ACYP2: variants seen among roughly 807,000 people sequenced by gnomAD.
The protein encoded by ACYP2 is acylphosphatase 2, also known as acylphosphatase-2.
Under a neutral mutation model 11.2 loss-of-function variants are expected in ACYP2, and 12 were observed. That is an observed-to-expected ratio of 1.08 (90% CI 0.69 to 1.74). The LOEUF is 1.74. Ranked by LOEUF, ACYP2 falls within the 40% of genes most tolerant of loss-of-function variation. ACYP2 has a pLI of 0.00. For synonymous variants in ACYP2, 43 were observed against 32.2 expected, an observed-to-expected ratio of 1.33 and a Z score of -1.13; for missense variants, 134 against 101.9, an observed-to-expected ratio of 1.31 and a Z score of -1.35.
chr2:54,136,095 C>T (rs1000858527), intron 5 of ACYP2, among the ~76,000 whole-genome samples: 8 of 152,164 alleles, frequency 5.3e-5, no homozygotes, highest in Non-Finnish European at 7.3e-5. Context: ...GATGGCATTT[C>T]ACCATGTTGG....
rs957178913 is a variant in ACYP2, at chr2:53,987,371, AAAGG to A, written c.62+13565_62+13568del. Among the ~76,000 whole-genome samples the A allele has an allele frequency of 3.9e-5, 6 of 152,314 alleles. No individual in the cohort carries two copies. The South Asian group carries it at 1.0e-3, about 26-fold the overall frequency. Reference sequence around the variant, plus strand: ...TGTATACAAAGTTAAAAAAAAAAAAAAAGGAAGCAGTTCCAGACTTCTTTACAAA... The same window carrying A: ...TGTATACAAAGTTAAAAAAAAAAAAAAAGCAGTTCCAGACTTCTTTACAAA... On this transcript the variant is annotated intron_variant, in intron 2 of 6. Transcript: ENST00000607452.
chr2:54,052,582 G>A (rs112573449), intron 3 of ACYP2, among the ~76,000 whole-genome samples: 21 of 152,116 alleles, frequency 1.4e-4, no homozygotes, highest in African/African-American at 2.9e-4. Context: ...AAAAAAAGTC[G>A]CAGCTGTTCT....
chr2:54,033,943 A>T (rs1674732129), intron 2 of ACYP2, among the ~76,000 whole-genome samples: 1 of 152,230 alleles, frequency 6.6e-6, no homozygotes. Context: ...GACATCCTGA[A>T]AGATAATGGG....
chr2:54,266,588 ATCTTTTTTT>A (rs1688033773), intron 6 of ACYP2, among the ~76,000 whole-genome samples: 1 of 91,140 alleles, frequency 1.1e-5, no homozygotes. Flanking sequence ...ATATCTATCT[ATCTTTTTTT>A]TTTTTTTTTT....
At chr2:54,040,949 A>C (rs1675189243) in intron 2 of ACYP2, among the ~76,000 whole-genome samples, 1 of 152,198 alleles carries the variant, frequency 6.6e-6, no homozygotes, top group Non-Finnish European at 1.5e-5. Flanking sequence ...GATAGGTGGA[A>C]AAGATCCAGG....
At chr2:54,221,280 T>A (rs73938020) in intron 6 of ACYP2, among the ~76,000 whole-genome samples, 10,283 of 152,244 alleles carry the variant, frequency 0.068, 1,127 homozygotes, top group African/African-American at 0.23. Flanking sequence ...TGTAAGTCAC[T>A]AAATTTGGGG....
intron 6 of ACYP2, among the ~76,000 whole-genome samples, chr2:54,263,850 G>A (rs843687): frequency 0.42 from 63,861 of 151,950 alleles, 13,589 homozygotes; most frequent in South Asian, 0.5. Context: ...AATACTGAGA[G>A]AAGATATTAC....
At chr2:54,210,924 C>T (rs1303823214) in intron 6 of ACYP2, among the ~76,000 whole-genome samples, 2 of 152,128 alleles carry the variant, frequency 1.3e-5, no homozygotes, top group Non-Finnish European at 2.9e-5. Context: ...ATACTTATGA[C>T]CATACTTATT....
chr2:54,249,940 CAAAAAAAAA>C lies in ACYP2; in HGVS notation c.405-54730_405-54722del, dbSNP rs1015312135. On this transcript the variant is annotated intron_variant, in intron 6 of 6. Transcript: ENST00000607452. Reference sequence around the variant, plus strand: ...TTGGCAACAGAGCAAGACCCTGTCTCAAAAAAAAAAAAAAAAAAAAAAAAAAGAAAACTC... The same window carrying C: ...TTGGCAACAGAGCAAGACCCTGTCTCAAAAAAAAAAAAAAAAAGAAAACTC... Among the ~76,000 whole-genome samples, 247 of 44,468 alleles carry C rather than the reference CAAAAAAAAA, an allele frequency of 5.6e-3. 3 individuals carry two copies. Among genetic ancestry groups the C allele is most frequent in the African/African-American group, 0.015 (232 of 15,624 alleles). The allele number at this position is 44,468 out of a possible 152,430, so 29.2% of individuals were successfully genotyped here.
chr2:54,271,876 T>C (rs1240238199), intron 6 of ACYP2, among the ~76,000 whole-genome samples: 1 of 152,048 alleles, frequency 6.6e-6, no homozygotes, highest in Non-Finnish European at 1.5e-5. Context: ...AATAAGCAAA[T>C]TTCTTAGGAT....
At chr2:54,180,274 T>G (rs1445782014) in intron 6 of ACYP2, among the ~76,000 whole-genome samples, 1 of 152,102 alleles carries the variant, frequency 6.6e-6, no homozygotes, top group East Asian at 1.9e-4. Context: ...TAATGGAGGC[T>G]TCATTCAGTA....
chr2:54,029,673 T>C (rs1233370191), intron 2 of ACYP2: 2 of 467,852 alleles, frequency 4.3e-6, no homozygotes, highest in Admixed American at 2.5e-5. Context: ...TGTAGAGTGC[T>C]TAAAGTGCTT....
chr2:54,214,261 A>T (rs1012669413), intron 6 of ACYP2, among the ~76,000 whole-genome samples: 2 of 152,000 alleles, frequency 1.3e-5, no homozygotes, highest in African/African-American at 4.8e-5. Context: ...CCTACTTGTC[A>T]ATTTTTGTTT....
chr2:54,030,867 C>G (rs1252149973), intron 2 of ACYP2, among the ~76,000 whole-genome samples: 3 of 152,088 alleles, frequency 2.0e-5, no homozygotes, highest in Admixed American at 1.3e-4. Context: ...GAAATATAAA[C>G]AAGTTCACCC....
intron 5 of ACYP2, among the ~76,000 whole-genome samples, chr2:54,137,460 T>C (rs1354634663): frequency 6.6e-6 from 1 of 152,128 alleles, no homozygotes; most frequent in Non-Finnish European, 1.5e-5. Context: ...TAGGCCCCAG[T>C]GTCTGTTGTT....
chr2:54,177,822 GC>G (rs1419881218), intron 6 of ACYP2, among the ~76,000 whole-genome samples: 1 of 149,322 alleles, frequency 6.7e-6, no homozygotes, highest in African/African-American at 2.5e-5. Context: ...CAGATGATTC[GC>G]CCCCACTCGG....
chr2:54,275,665 C>G (rs1688526107), intron 6 of ACYP2, among the ~76,000 whole-genome samples: 1 of 152,150 alleles, frequency 6.6e-6, no homozygotes, highest in South Asian at 2.1e-4. Flanking sequence ...AGCTTTGTGT[C>G]TAACAATTTC....
intron 2 of ACYP2, among the ~76,000 whole-genome samples, chr2:54,016,764 C>A (rs993910080): frequency 1.4e-5 from 2 of 142,920 alleles, no homozygotes; most frequent in Non-Finnish European, 3.0e-5. Flanking sequence ...CTTGCTGTGT[C>A]GCTCAGGCTG....
intron 2 of ACYP2, among the ~76,000 whole-genome samples, chr2:54,015,020 A>C (rs761546815): frequency 3.3e-5 from 5 of 152,166 alleles, no homozygotes; most frequent in African/African-American, 1.2e-4. Context: ...TGGCTACTCA[A>C]AGTGGGGTCT....
Sources: gnomAD v4.1 joint callset for allele counts (sites outside exome capture counted in the v4.1 genomes callset) on GRCh38, gnomAD v4.1.1 for gene constraint, MANE v1.5 for transcripts, NCBI Gene and HGNC (gene_info 2026-07-23, HGNC 2026-07-21) for gene names.